Variants in PDZD2 observed in about 807,000 individuals in gnomAD.
PDZD2 encodes PDZ domain-containing protein 2.
Under a neutral mutation model 220.7 loss-of-function variants are expected in PDZD2, and 90 were observed. That is an observed-to-expected ratio of 0.41 (90% CI 0.34 to 0.49). The LOEUF is 0.49. PDZD2 is among the 20% of genes least tolerant of loss of function. PDZD2 has a pLI of 0.28. For synonymous variants in PDZD2, 1,375 were observed against 1,450.5 expected, an observed-to-expected ratio of 0.95 and a Z score of 1.18; for missense variants, 3,174 against 3,608.5, an observed-to-expected ratio of 0.88 and a Z score of 3.08.
At chr5:31,881,324 ATATGTGTGTGTGTG>A (rs1739880456) in intron 2 of PDZD2, among the ~76,000 whole-genome samples, 1 of 118,556 alleles carries the variant, frequency 8.4e-6, no homozygotes, top group Admixed American at 8.7e-5. Flanking sequence ...ATTTCCATAT[ATATGTGTGTGTGTG>A]TGTGTGTGTG....
intron 1 of PDZD2, among the ~76,000 whole-genome samples, chr5:31,769,119 G>C (rs1752198444): frequency 1.3e-5 from 2 of 152,220 alleles, no homozygotes; most frequent in African/African-American, 2.4e-5. Flanking sequence ...GCCGAGGGCA[G>C]ATGCAGCCGG....
chr5:31,785,648 C>T (rs1262416068), intron 1 of PDZD2, among the ~76,000 whole-genome samples: 1 of 151,830 alleles, frequency 6.6e-6, no homozygotes, highest in Non-Finnish European at 1.5e-5. Context: ...GCCATGTTGC[C>T]CCGGCTGCTC....
intron 2 of PDZD2, among the ~76,000 whole-genome samples, chr5:31,954,304 A>T (rs1747462661): frequency 6.6e-6 from 1 of 152,340 alleles, no homozygotes; most frequent in Non-Finnish European, 1.5e-5. Flanking sequence ...AACCATGGTT[A>T]ACACTCATAA....
intron 1 of PDZD2, among the ~76,000 whole-genome samples, chr5:31,776,489 T>TATTTATTC (rs1554073462): frequency 4.0e-4 from 56 of 140,920 alleles, no homozygotes; most frequent in African/African-American, 1.2e-3. Flanking sequence ...TTTATTTATT[T>TATTTATTC]ATTCATTTTT....
At chr5:32,039,666 G>C (rs978587500) in intron 7 of PDZD2, among the ~76,000 whole-genome samples, 30 of 149,194 alleles carry the variant, frequency 2.0e-4, no homozygotes, top group African/African-American at 7.2e-4. Flanking sequence ...GTGAGCCTCT[G>C]CCTGGCCGCC....
At chr5:31,868,135 G>A (rs375118607) in intron 2 of PDZD2, among the ~76,000 whole-genome samples, 45 of 152,278 alleles carry the variant, frequency 3.0e-4, no homozygotes, top group African/African-American at 1.0e-3. Context: ...CCATCTCAGT[G>A]AAGGAATATT....
intron 2 of PDZD2, among the ~76,000 whole-genome samples, chr5:31,880,796 T>TC (rs57282817): frequency 1.2e-4 from 12 of 99,436 alleles, no homozygotes; most frequent in Admixed American, 8.1e-4. Flanking sequence ...TTTTTCTTTT[T>TC]TTTTTTTTTT....
rs781462971 is a variant in PDZD2 at position 32,088,370 on chromosome 5, C to T, written c.4922C>T (p.Ser1641Leu). ...LSLKYSTPRE[S>L]VASPREKAAC... The stretch of plus-strand genomic sequence containing the variant: ...TTAAAATACAGCACTCCGAGAGAGT[C>T]GGTGGCCAGTCCCCGTGAGAAGGCC... Residue 1641 changes from serine to leucine, a missense_variant, in exon 20 of 25, where the codon TCG (serine) becomes TTG (leucine). By Grantham distance (145) the Ser-to-Leu change is moderately radical. Coordinates refer to ENST00000438447, the MANE Select transcript of PDZD2 (RefSeq NM_178140.4). This position sits in a 1 kb window ranked among gnomAD's most constrained non-coding sequence, Gnocchi z 4.6. 20 of 1,613,962 alleles carry T rather than the reference C, an allele frequency of 1.2e-5. No homozygotes were observed. The highest frequency in any genetic ancestry group is 5.5e-5 in the South Asian group (5 of 91,070).
At chr5:32,078,882 A>G (rs1741623159) in intron 19 of PDZD2, among the ~76,000 whole-genome samples, 1 of 151,930 alleles carries the variant, frequency 6.6e-6, no homozygotes, top group South Asian at 2.1e-4. Flanking sequence ...GTTGAACAAA[A>G]TAATATTGTA....
At chr5:31,694,921 C>T (rs916212117) in intron 1 of PDZD2, among the ~76,000 whole-genome samples, 7 of 151,920 alleles carry the variant, frequency 4.6e-5, no homozygotes, top group Non-Finnish European at 8.8e-5. Flanking sequence ...ATTAGGACTT[C>T]GAGACCAGCC....
At position 31,949,039 on chromosome 5, in the gene PDZD2, A is replaced by G. The variant is rs570676540; in HGVS notation, c.477-34116A>G. On this transcript the variant is annotated intron_variant, in intron 2 of 24. Coordinates refer to ENST00000438447, the MANE Select transcript of PDZD2 (RefSeq NM_178140.4). The stretch of plus-strand genomic sequence containing the variant: ...CTTGAACCCAGGAGGCGGAGGTTGC[A>G]CTGAGCTGAGATGGAGCCACTGCCC... Among the ~76,000 whole-genome samples, 57 of 144,320 alleles carry G rather than the reference A, an allele frequency of 3.9e-4. 1 individual carries two copies. The highest frequency in any genetic ancestry group is 3.9e-3 in the Admixed American group (53 of 13,688). 94.7% of individuals were successfully genotyped at this position (144,320 alleles called of 152,430 possible). A position where few individuals can be genotyped will look rare whatever the true frequency, so the allele number is the denominator to read the frequency against.
At position 32,110,045 on chromosome 5, in the gene PDZD2, T is replaced by TTG. The variant is rs1325380926; in HGVS notation, c.*1910_*1911insTG. ...GCAAGGTGCATGCTTGATTGATAGA[T>TTG]ATTGATTGATTGTTTTTCAGTCTCT... On this transcript the variant is annotated 3_prime_UTR_variant, in exon 25 of 25. Coordinates refer to ENST00000438447, the MANE Select transcript of PDZD2 (RefSeq NM_178140.4). 1.3e-5 allele frequency: 2 copies of TTG among 151,782 alleles called. No individual in the cohort carries two copies. Among genetic ancestry groups the TTG allele is most frequent in the African/African-American group, 4.9e-5 (2 of 41,086 alleles). The allele number at this position is 151,782 out of a possible 1,614,324, so 9.4% of individuals were successfully genotyped here.
chr5:31,976,698 C>T (rs7701367), intron 2 of PDZD2, among the ~76,000 whole-genome samples: 142,876 of 147,162 alleles, frequency 0.97, 69,439 homozygotes, highest in South Asian at 0.99. Flanking sequence ...TCTTTCTTTT[C>T]CTTTTTTTCT....
At chr5:31,742,971 T>G (rs1045698606) in intron 1 of PDZD2, among the ~76,000 whole-genome samples, 6 of 152,210 alleles carry the variant, frequency 3.9e-5, no homozygotes, top group Non-Finnish European at 2.9e-5. Context: ...GATAGAAAAT[T>G]GAGCTTCTAA....
At chr5:31,763,350 T>C (rs1751769271) in intron 1 of PDZD2, among the ~76,000 whole-genome samples, 1 of 152,144 alleles carries the variant, frequency 6.6e-6, no homozygotes, top group African/African-American at 2.4e-5. Context: ...TGCGGCACAC[T>C]GTCTACCTCA....
At chr5:31,765,736 T>C (rs1456735513) in intron 1 of PDZD2, among the ~76,000 whole-genome samples, 1 of 152,102 alleles carries the variant, frequency 6.6e-6, no homozygotes, top group African/African-American at 2.4e-5. Flanking sequence ...TGGGGCCCCA[T>C]GAAAAGTGGT....
intron 1 of PDZD2, among the ~76,000 whole-genome samples, chr5:31,776,394 C>G (rs1389659584): frequency 6.6e-6 from 1 of 152,180 alleles, no homozygotes; most frequent in Non-Finnish European, 1.5e-5. Flanking sequence ...TGGTCTCACT[C>G]AGTGCACAGA....
rs764471318 is a variant in PDZD2, at chr5:32,088,118, ATTC to A, written c.4678_4680del (p.Ser1560del). On this transcript the variant is annotated inframe_deletion, in exon 20 of 25. Transcript: ENST00000438447. The surrounding 1 kb of genome is among the most constrained non-coding windows in gnomAD (Gnocchi z 4.6). ...TCATCCATGTATGGCGATGCTGAGG[ATTC>A]TTCTTCTGACCCTGAGTCACTCACT... 10 of 1,614,014 alleles carry A rather than the reference ATTC, an allele frequency of 6.2e-6. No individual in the cohort carries two copies. The highest frequency in any genetic ancestry group is 1.6e-4 in the Middle Eastern group (1 of 6,084).
At chr5:31,738,055 A>G (rs1350729349) in intron 1 of PDZD2, among the ~76,000 whole-genome samples, 1 of 152,190 alleles carries the variant, frequency 6.6e-6, no homozygotes, top group Non-Finnish European at 1.5e-5. Context: ...TGAAAATTAC[A>G]TTTTTGGAAT....
Sources: allele counts gnomAD v4.1 joint callset (sites outside exome capture counted in the v4.1 genomes callset), GRCh38; gene constraint gnomAD v4.1.1; non-coding constraint Gnocchi (gnomAD v3.1); transcripts MANE v1.5; gene names NCBI Gene and HGNC (gene_info 2026-07-23, HGNC 2026-07-21).